The following RBPJ variants were observed in gnomAD, a reference collection of about 807,000 sequenced individuals.
The protein encoded by RBPJ is recombination signal binding protein for immunoglobulin kappa J region.
In RBPJ, 9 loss-of-function variants were observed where a neutral mutation model predicts 67.8. The ratio of observed to expected loss-of-function variants is 0.13; its 90% CI spans 0.08 to 0.23. The LOEUF (loss-of-function observed/expected upper bound fraction) is 0.23. RBPJ is among the 10% of genes least tolerant of loss of function. RBPJ has a pLI of 1.00. For missense variants in RBPJ, 305 were observed against 595.6 expected, an observed-to-expected ratio of 0.51 and a Z score of 5.08; for synonymous variants, 198 against 203.3, an observed-to-expected ratio of 0.97 and a Z score of 0.22.
intron 3 of RBPJ, among the ~76,000 whole-genome samples, chr4:26,415,051 A>G (rs141558601): frequency 6.6e-6 from 1 of 152,214 alleles, no homozygotes; most frequent in African/African-American, 2.4e-5. Flanking sequence ...TGCAGTATCC[A>G]TAATAGTAAT....
the RBPJ span, among the ~76,000 whole-genome samples, chr4:26,151,917 T>A: frequency 0.02 from 3,027 of 152,284 alleles, 99 homozygotes; most frequent in African/African-American, 0.068. Flanking sequence ...GGAACAAATA[T>A]GTGGGACAGC....
chr4:26,204,750 G>T (rs964401617), intron 1 of RBPJ, among the ~76,000 whole-genome samples: 6 of 152,318 alleles, frequency 3.9e-5, no homozygotes, highest in Non-Finnish European at 4.4e-5. Flanking sequence ...CTCGTAAAAT[G>T]GTTATGAGGG....
intron 1 of RBPJ, among the ~76,000 whole-genome samples, chr4:26,283,761 C>G (rs899602094): frequency 5.3e-5 from 8 of 151,844 alleles, no homozygotes; most frequent in African/African-American, 1.9e-4. Flanking sequence ...ATTCTCCTGC[C>G]TCAGCCTCCC....
intron 1 of RBPJ, chr4:26,272,646 T>G (rs1577377858): frequency 2.2e-6 from 1 of 449,116 alleles, no homozygotes; most frequent in Non-Finnish European, 4.5e-6. Context: ...GAACTTGCAT[T>G]TTGTCTTCAT....
chr4:26,366,337 A>G (rs925810931), intron 1 of RBPJ, among the ~76,000 whole-genome samples: 2 of 152,066 alleles, frequency 1.3e-5, no homozygotes, highest in Non-Finnish European at 1.5e-5. Context: ...TTAGTTTGCT[A>G]TAAAACTTTG....
At chr4:26,138,279 G>A in the RBPJ span, among the ~76,000 whole-genome samples, 1 of 152,048 alleles carries the variant, frequency 6.6e-6, no homozygotes, top group Non-Finnish European at 1.5e-5. Context: ...AGCCTGAGTT[G>A]GGTTTTGTTA....
intron 1 of RBPJ, among the ~76,000 whole-genome samples, chr4:26,309,131 C>T (rs889668201): frequency 6.6e-6 from 1 of 150,976 alleles, no homozygotes; most frequent in Non-Finnish European, 1.5e-5. Flanking sequence ...GCCTCCTGGG[C>T]TTAGCCTCTC....
intron 1 of RBPJ, chr4:26,368,048 G>C (rs1728796180): frequency 6.6e-6 from 1 of 152,200 alleles, no homozygotes; most frequent in South Asian, 2.1e-4. Context: ...TTTAGTCAAA[G>C]TACATAGTTC....
chr4:26,345,889 A>T (rs1361066955), intron 1 of RBPJ, among the ~76,000 whole-genome samples: 1 of 152,198 alleles, frequency 6.6e-6, no homozygotes, highest in Non-Finnish European at 1.5e-5. Flanking sequence ...GAATACAGTG[A>T]TGCTGGGGCT....
the RBPJ span, among the ~76,000 whole-genome samples, chr4:26,137,882 A>T: frequency 6.6e-6 from 1 of 152,250 alleles, no homozygotes; most frequent in East Asian, 1.9e-4. Context: ...CCCTTCAGGG[A>T]CGGGCCCCAG....
In RBPJ at chr4:26,430,696, G is replaced by C. The variant is rs1451280288; in HGVS notation, c.1153G>C (p.Gly385Arg). 6.2e-7 allele frequency: 1 copy of C among 1,613,926 alleles called. No individual in the cohort carries two copies. Residue 385 changes from glycine to arginine, a missense_variant, in exon 11 of 11, where the codon GGA (glycine) becomes CGA (arginine). Gly to Arg is a moderately radical substitution (Grantham distance 125). Coordinates refer to ENST00000355476, the MANE Select transcript of RBPJ (RefSeq NM_015874.6). This position sits in a 1 kb window ranked among gnomAD's most constrained non-coding sequence, Gnocchi z 4.1. Reference protein sequence around the residue: ...DVEAETMYRCGESMLCVVPDI... With the variant: ...DVEAETMYRCRESMLCVVPDI... ...TGATTTCTATTTCCTCCTCAGGTGT[G>C]GAGAGAGTATGCTCTGTGTCGTCCC... is the stretch of plus-strand genomic sequence containing the variant.
intron 3 of RBPJ, among the ~76,000 whole-genome samples, chr4:26,411,314 G>A (rs932333885): frequency 6.6e-6 from 1 of 151,260 alleles, no homozygotes; most frequent in African/African-American, 2.4e-5. Flanking sequence ...TAATTTGGTG[G>A]CCTTTTATTT....
rs1332007503 is a variant in RBPJ at position 26,244,268 on chromosome 4, CACA to C, written c.-167+80655_-167+80657del. Among the ~76,000 whole-genome samples, 66 of 139,660 alleles carry C rather than the reference CACA, an allele frequency of 4.7e-4. 4 individuals carry two copies. The highest frequency in any genetic ancestry group is 1.7e-3 in the African/African-American group (60 of 35,592). 91.6% of individuals were successfully genotyped at this position (139,660 alleles called of 152,430 possible). Reference sequence around the variant, plus strand: ...ATGTGTACACATACACATATGTGTACACATATATGTGTGTATATGTATACACAT... The same window carrying C: ...ATGTGTACACATACACATATGTGTACTATATGTGTGTATATGTATACACAT... On this transcript the variant is annotated intron_variant, in intron 1 of 4. Transcript: ENST00000512351.
intron 1 of RBPJ, among the ~76,000 whole-genome samples, chr4:26,219,924 C>T (rs1430072753): frequency 6.7e-6 from 1 of 148,634 alleles, no homozygotes; most frequent in Non-Finnish European, 1.5e-5. Context: ...CACAGGCACC[C>T]ACCACCACGC....
intron 2 of RBPJ, among the ~76,000 whole-genome samples, chr4:26,392,217 A>G (rs1032313578): frequency 2.6e-5 from 4 of 152,254 alleles, no homozygotes; most frequent in South Asian, 2.1e-4. Context: ...ATACACTGGC[A>G]GTGGGTATAT....
chr4:26,347,527 G>A (rs1726289755), intron 1 of RBPJ, among the ~76,000 whole-genome samples: 1 of 152,206 alleles, frequency 6.6e-6, no homozygotes, highest in South Asian at 2.1e-4. Flanking sequence ...GGTGAGGTAA[G>A]TTTAAATGTT....
chr4:26,191,196 TATATATATATATATAGAGAG>T (rs1577454759), intron 1 of RBPJ, among the ~76,000 whole-genome samples: 1 of 27,320 alleles, frequency 3.7e-5, no homozygotes, highest in Non-Finnish European at 7.0e-5. Context: ...TATATATATA[TATATATATATATATAGAGAG>T]AGAGAGAGAG....
rs71186404 is a variant in RBPJ at position 26,343,739 on chromosome 4, CTTTTTTTTTTTTT to C, written c.20+22707_20+22719del. On this transcript the variant is annotated intron_variant, in intron 1 of 10. Coordinates refer to ENST00000355476, the MANE Select transcript of RBPJ (RefSeq NM_015874.6). The stretch of plus-strand genomic sequence containing the variant: ...ATTTTTTTGTACTTCTTTCTTTCTT[CTTTTTTTTTTTTT>C]TTTTTTTTTTTTTTTGTGACGGAGG... Among the ~76,000 whole-genome samples, 77 of 55,834 alleles carry C rather than the reference CTTTTTTTTTTTTT, an allele frequency of 1.4e-3. 3 individuals carry two copies. Among genetic ancestry groups the C allele is most frequent in the East Asian group, 4.5e-3 (9 of 2,010 alleles). The allele number at this position is 55,834 out of a possible 152,430, so 36.6% of individuals were successfully genotyped here.
intron 1 of RBPJ, among the ~76,000 whole-genome samples, chr4:26,358,784 TAA>T (rs56969605): frequency 6.8e-6 from 1 of 147,182 alleles, no homozygotes. Context: ...TCTTGTCTCT[TAA>T]AAAAAAAAAA....
Sources: gnomAD v4.1 joint callset for allele counts (sites outside exome capture counted in the v4.1 genomes callset) on GRCh38, gnomAD v4.1.1 for gene constraint, Gnocchi (gnomAD v3.1) non-coding constraint, MANE v1.5 for transcripts, NCBI Gene and HGNC (gene_info 2026-07-23, HGNC 2026-07-21) for gene names.